SPG11: variants seen among roughly 807,000 people sequenced by gnomAD.
The protein encoded by SPG11 is SPG11 vesicle trafficking associated, spatacsin.
Under a neutral mutation model 274.0 loss-of-function variants are expected in SPG11, and 222 were observed. That is an observed-to-expected ratio of 0.81 (90% CI 0.73 to 0.91). The LOEUF (loss-of-function observed/expected upper bound fraction) is 0.91. SPG11 is among the 40% of genes least tolerant of loss of function. The pLI, the probability that SPG11 is intolerant of heterozygous loss-of-function variation, is 0.00. For synonymous variants in SPG11, 1,144 were observed against 1,039.7 expected, an observed-to-expected ratio of 1.10 and a Z score of -1.93; for missense variants, 3,114 against 2,872.7, an observed-to-expected ratio of 1.08 and a Z score of -1.92.
rs754276052 is a variant in SPG11, at chr15:44,598,332, T to G, written c.3934A>C (p.Thr1312Pro). The G allele has an allele frequency of 5.6e-6, 9 of 1,614,170 alleles. No individual in the cohort carries two copies. The highest frequency in any genetic ancestry group is 1.7e-4 in the Middle Eastern group (1 of 6,060). The change falls in exon 23 of 40, where the codon ACA (threonine) becomes CCA (proline). Residue 1312 changes from threonine (T) to proline (P), a missense_variant. Physicochemically the swap from Thr to Pro is conservative, Grantham distance 38. Coordinates refer to ENST00000261866, the MANE Select transcript of SPG11 (RefSeq NM_025137.4). ...TCTAAGAGAACAAGCAATTCTTCTG[T>G]GGTTGTCTTTTCACCATCAGCTAGT... Reference protein sequence around the residue: ...SKLADGEKTTTEELLVLLEEG... With the variant: ...SKLADGEKTTPEELLVLLEEG...
Position 44,600,564 on chromosome 15 carries a change from G to C in SPG11, c.3589C>G (p.Leu1197Val). The C allele has an allele frequency of 2.0e-5, 33 of 1,614,166 alleles. No homozygotes were observed. The highest frequency in any genetic ancestry group is 2.8e-5 in the Non-Finnish European group (33 of 1,180,020). Residue 1197 changes from leucine to valine, a missense_variant, in exon 21 of 40, where the codon CTG becomes GTG. By Grantham distance (32) the Leu-to-Val change is conservative. Coordinates refer to ENST00000261866, the MANE Select transcript of SPG11 (RefSeq NM_025137.4). Reference protein sequence around the residue: ...LVNKYAIVERLNFAYYLHNGR... With the variant: ...LVNKYAIVERVNFAYYLHNGR... ...TTATGTAAATAATAAGCAAAATTCA[G>C]ACGTTCCACTATAGCATATTTATTA...
At chr15:44,646,360 G>A in intron 7 of SPG11, among the ~76,000 whole-genome samples, 1 of 152,150 alleles carries the variant, frequency 6.6e-6, no homozygotes, top group East Asian at 1.9e-4. Context: ...GGAGGCCTCA[G>A]GAAACTTACA....
chr15:44,574,652 CAG>C (rs894317496), intron 31 of SPG11, among the ~76,000 whole-genome samples: 22 of 152,150 alleles, frequency 1.4e-4, no homozygotes, highest in Admixed American at 1.1e-3. Flanking sequence ...GATGACGAAA[CAG>C]GGGCCCACAG....
chr15:44,573,822 TG>T lies in SPG11; in HGVS notation c.6007-78del, dbSNP rs1484393116. 7 of 1,358,148 alleles carry T rather than the reference TG, an allele frequency of 5.2e-6. No individual in the cohort carries two copies. The African/African-American group carries it at 1.0e-4, about 19-fold the overall frequency. 84.1% of individuals were successfully genotyped at this position (1,358,148 alleles called of 1,614,324 possible). On this transcript the variant is annotated intron_variant, in intron 31 of 39. Coordinates refer to ENST00000261866, the MANE Select transcript of SPG11 (RefSeq NM_025137.4). ...CAAAAGAGCCCTTTCTGAAATCTGA[TG>T]TGGACAGACTCCACTGTATTCTGAG...
intron 26 of SPG11, among the ~76,000 whole-genome samples, chr15:44,593,917 C>CTT (rs1326432676): frequency 6.7e-6 from 1 of 149,524 alleles, no homozygotes; most frequent in Non-Finnish European, 1.5e-5. Flanking sequence ...CCACGCCCGG[C>CTT]TTTTTTCTTT....
At chr15:44,663,173 G>A (rs764270456) in intron 1 of SPG11, among the ~76,000 whole-genome samples, 4 of 152,262 alleles carry the variant, frequency 2.6e-5, no homozygotes, top group Non-Finnish European at 4.4e-5. Flanking sequence ...CGGAACAGGA[G>A]AGCTGGGCTG....
intron 30 of SPG11, among the ~76,000 whole-genome samples, chr15:44,575,887 A>C (rs551270943): frequency 1.3e-5 from 2 of 152,160 alleles, no homozygotes; most frequent in African/African-American, 2.4e-5. Context: ...TCACGCCTAT[A>C]ATCCCAGCAC....
chr15:44,634,591 C>T (rs1008969444), intron 7 of SPG11, among the ~76,000 whole-genome samples: 2 of 151,020 alleles, frequency 1.3e-5, no homozygotes, highest in African/African-American at 2.4e-5. Context: ...GCCAGATTCT[C>T]AGTTGTCTTT....
intron 32 of SPG11, chr15:44,573,207 T>G (rs929694032): frequency 4.0e-6 from 2 of 499,030 alleles, no homozygotes; most frequent in Non-Finnish European, 7.2e-6. Context: ...GGATGGTCTC[T>G]ATCTCCTGAC....
At chr15:44,567,395 T>C in intron 36 of SPG11, 29 bp downstream of exon 36, 1 of 1,610,134 alleles carries the variant, frequency 6.2e-7, no homozygotes, top group Non-Finnish European at 8.5e-7. Context: ...GCAGCACTGT[T>C]CTGGTAGTGT....
intron 38 of SPG11, 147 bp downstream of exon 38, chr15:44,565,707 G>A (rs759668065): frequency 6.6e-5 from 66 of 1,006,808 alleles, no homozygotes; most frequent in Middle Eastern, 2.5e-4. Context: ...TCAAATTGCC[G>A]TTCTATGTTG....
At chr15:44,568,503 A>C (rs150563543) in intron 35 of SPG11, among the ~76,000 whole-genome samples, 2 of 152,192 alleles carry the variant, frequency 1.3e-5, no homozygotes, top group Non-Finnish European at 2.9e-5. Flanking sequence ...GAATCATCCA[A>C]ATGTTCTGGA....
At chr15:44,615,000 G>A (rs2083557268) in intron 16 of SPG11, among the ~76,000 whole-genome samples, 1 of 152,140 alleles carries the variant, frequency 6.6e-6, no homozygotes, top group Non-Finnish European at 1.5e-5. Flanking sequence ...AGTTTGCTAT[G>A]AAATCAAAGT....
intron 16 of SPG11, among the ~76,000 whole-genome samples, chr15:44,614,785 G>C (rs1014368241): frequency 7.9e-5 from 12 of 152,146 alleles, no homozygotes; most frequent in Non-Finnish European, 1.6e-4. Flanking sequence ...TGCCAACATT[G>C]TAAACACTCA....
intron 7 of SPG11, among the ~76,000 whole-genome samples, chr15:44,640,104 G>C (rs1399672302): frequency 1.3e-5 from 2 of 152,142 alleles, no homozygotes; most frequent in African/African-American, 4.8e-5. Flanking sequence ...CAGCTACCTG[G>C]GAGGCTGAGG....
intron 17 of SPG11, 106 bp from the exon 18 acceptor site, chr15:44,611,091 TAAAAAAAAA>T (rs35831490): frequency 0.043 from 3,032 of 70,200 alleles, 171 homozygotes; most frequent in African/African-American, 0.18. Context: ...CTATCCCCAG[TAAAAAAAAA>T]AAAAAAAAAA....
chr15:44,567,741 C>A, intron 35 of SPG11, 149 bp from the exon 36 acceptor site: 3 of 850,550 alleles, frequency 3.5e-6, no homozygotes, highest in Non-Finnish European at 3.8e-6. Context: ...TATGCTGTCC[C>A]AAGTATGAGG....
intron 39 of SPG11, among the ~76,000 whole-genome samples, chr15:44,563,797 T>G (rs2082249375): frequency 6.6e-6 from 1 of 152,166 alleles, no homozygotes; most frequent in African/African-American, 2.4e-5. Context: ...CACCTTAGGA[T>G]ACTGTATTTT....
intron 27 of SPG11, among the ~76,000 whole-genome samples, chr15:44,591,616 A>G (rs1301807155): frequency 6.6e-6 from 1 of 152,200 alleles, no homozygotes; most frequent in Non-Finnish European, 1.5e-5. Flanking sequence ...TTAGAATCCT[A>G]GGCATATTCA....
Sources: gnomAD v4.1 joint callset for allele counts (sites outside exome capture counted in the v4.1 genomes callset) on GRCh38, gnomAD v4.1.1 for gene constraint, MANE v1.5 for transcripts, NCBI Gene and HGNC (gene_info 2026-07-23, HGNC 2026-07-21) for gene names.